Variants in CDH8 observed in about 807,000 individuals in gnomAD.
CDH8 encodes cadherin-8.
A neutral mutation model predicts 68.1 loss-of-function variants in CDH8; 17 were observed. The observed-to-expected ratio is 0.25, with a 90% CI of 0.17 to 0.37. CDH8 has a LOEUF of 0.37. CDH8 is among the 10% of genes least tolerant of loss of function. The pLI, the probability that CDH8 is intolerant of heterozygous loss-of-function variation, is 1.00. For missense variants in CDH8, 763 were observed against 999.3 expected (o/e 0.76, Z 3.19); for synonymous variants, 372 against 365.1 (o/e 1.02, Z -0.21).
At chr16:61,985,296 G>T (rs1394479589) in intron 2 of CDH8, among the ~76,000 whole-genome samples, 1 of 152,066 alleles carries the variant, frequency 6.6e-6, no homozygotes, top group Non-Finnish European at 1.5e-5. Context: ...AGCCACATAT[G>T]TCAAAGAAAA....
intron 2 of CDH8, among the ~76,000 whole-genome samples, chr16:61,960,320 C>CGTGTGTGTGTATACACACATATATACGT (rs1567546492): frequency 5.2e-5 from 3 of 57,270 alleles, no homozygotes; most frequent in Non-Finnish European, 8.7e-5. Flanking sequence ...CACATATATA[C>CGTGTGTGTGTATACACACATATATACGT]GTGTGTGTGT....
rs77613834 is a variant in CDH8, at chr16:61,812,990, G to A, written c.1277+4489C>T. Among the ~76,000 whole-genome samples, 1,411 of 152,268 alleles carry A rather than the reference G, an allele frequency of 9.3e-3. 48 individuals are homozygous for A. Among genetic ancestry groups the A allele is most frequent in the East Asian group, 0.072 (375 of 5,174 alleles). On this transcript the variant is annotated intron_variant, in intron 7 of 11. Coordinates refer to ENST00000577390, the MANE Select transcript of CDH8 (RefSeq NM_001796.5). ...ATACATAATAGGAGCTTAGTATGGT[G>A]TCGGATTCATCAAATAAAAATAACA...
In CDH8 at chr16:61,850,566, C is replaced by T. The variant is rs759475689; in HGVS notation, c.667+6553G>A. ...ATTGCAGATTACGTTTATTATATAT[C>T]GAAAAAGTTCTTCAAGTAAAATCTT... On this transcript the variant is annotated intron_variant, in intron 4 of 11. Coordinates refer to ENST00000577390, the MANE Select transcript of CDH8 (RefSeq NM_001796.5). Among the ~76,000 whole-genome samples the T allele has an allele frequency of 5.0e-4, 76 of 151,986 alleles. 1 individual carries two copies. The highest frequency in any genetic ancestry group is 9.6e-4 in the Non-Finnish European group (65 of 67,954).
chr16:61,794,472 A>C (rs1961452321), intron 7 of CDH8, among the ~76,000 whole-genome samples: 2 of 152,066 alleles, frequency 1.3e-5, no homozygotes, highest in East Asian at 3.9e-4. Context: ...ACCAAAACAA[A>C]AGCTCTGTAA....
chr16:61,837,731 G>T (rs192083173), intron 4 of CDH8, among the ~76,000 whole-genome samples: 1 of 152,040 alleles, frequency 6.6e-6, no homozygotes, highest in Non-Finnish European at 1.5e-5. Flanking sequence ...TGTGTGATCT[G>T]CAGGAGCCAT....
At chr16:61,685,384 C>A (rs1402191432) in intron 10 of CDH8, among the ~76,000 whole-genome samples, 2 of 151,604 alleles carry the variant, frequency 1.3e-5, no homozygotes, top group African/African-American at 4.8e-5. Flanking sequence ...AGATTTGAGG[C>A]ATATGAATGA....
chr16:61,683,090 A>G (rs1389314544), intron 10 of CDH8, among the ~76,000 whole-genome samples: 1 of 152,018 alleles, frequency 6.6e-6, no homozygotes, highest in African/African-American at 2.4e-5. Flanking sequence ...GTGAAGTTCA[A>G]TAAAGCACTT....
At chr16:61,922,305 T>TA (rs1191353414) in intron 2 of CDH8, among the ~76,000 whole-genome samples, 2 of 152,166 alleles carry the variant, frequency 1.3e-5, no homozygotes, top group African/African-American at 2.4e-5. Context: ...AAATTTTGTG[T>TA]AAAAAACAAT....
At chr16:61,732,937 T>C (rs566751438) in intron 8 of CDH8, among the ~76,000 whole-genome samples, 11 of 151,678 alleles carry the variant, frequency 7.3e-5, no homozygotes, top group Non-Finnish European at 1.6e-4. Flanking sequence ...GTAATTCAAA[T>C]CGACAGGAAC....
At chr16:61,716,626 G>A (rs1205276025) in intron 9 of CDH8, among the ~76,000 whole-genome samples, 1 of 151,628 alleles carries the variant, frequency 6.6e-6, no homozygotes, top group African/African-American at 2.4e-5. Flanking sequence ...TCATTAAGAG[G>A]CTTTATATTG....
intron 6 of CDH8, among the ~76,000 whole-genome samples, chr16:61,818,500 G>A (rs570343278): frequency 4.6e-5 from 7 of 152,214 alleles, no homozygotes. Flanking sequence ...CCACTTAAAA[G>A]CAATTTGAAA....
intron 8 of CDH8, among the ~76,000 whole-genome samples, chr16:61,773,537 T>G (rs1203804251): frequency 6.6e-6 from 1 of 152,036 alleles, no homozygotes; most frequent in Non-Finnish European, 1.5e-5. Flanking sequence ...ACTATGTTTT[T>G]GGCAAGAATT....
intron 3 of CDH8, among the ~76,000 whole-genome samples, chr16:61,894,173 A>G (rs1963830146): frequency 6.6e-6 from 1 of 152,228 alleles, no homozygotes; most frequent in Admixed American, 6.5e-5. Context: ...ACCACCTGAT[A>G]CAAATTAGTA....
chr16:61,997,824 A>G (rs1283285886), intron 2 of CDH8, among the ~76,000 whole-genome samples: 1 of 152,212 alleles, frequency 6.6e-6, no homozygotes, highest in Admixed American at 6.5e-5. Context: ...AAAAATCTAA[A>G]AATGTTCCAC....
chr16:61,937,160 GTAGT>G (rs1272029835), intron 2 of CDH8, among the ~76,000 whole-genome samples: 1 of 152,146 alleles, frequency 6.6e-6, no homozygotes, highest in Non-Finnish European at 1.5e-5. Context: ...GCACTCAAGT[GTAGT>G]TAGTGAGTCT....
At chr16:61,970,975 T>G (rs919264462) in intron 2 of CDH8, among the ~76,000 whole-genome samples, 7 of 152,070 alleles carry the variant, frequency 4.6e-5, no homozygotes, top group Admixed American at 6.6e-5. Flanking sequence ...CCCCCACCCT[T>G]AAGAAGGTAC....
chr16:61,653,743 C>A lies in CDH8; in HGVS notation c.2265G>T (p.Val755=), dbSNP rs377026175. 5.6e-6 allele frequency: 9 copies of A among 1,614,060 alleles called. No homozygotes were observed. The highest frequency in any genetic ancestry group is 2.2e-5 in the East Asian group (1 of 44,876). ...QIYGYEGRGS[V]AGSLSSLEST... ...ACTCCAAGGAGCTGAGGGAGCCAGC[C>A]ACTGACCCTCGGCCTTCATAGCCAT... is the stretch of plus-strand genomic sequence containing the variant. Residue 755 remains valine, a synonymous_variant, in exon 12 of 12, where the codon GTG becomes GTT. Transcript: ENST00000577390.
At chr16:61,713,517 C>T (rs930392252) in intron 10 of CDH8, among the ~76,000 whole-genome samples, 7 of 151,702 alleles carry the variant, frequency 4.6e-5, no homozygotes, top group African/African-American at 1.2e-4. Flanking sequence ...GGCCAATTCT[C>T]CCTCTTAGGG....
At chr16:61,686,028 T>C (rs1049640936) in intron 10 of CDH8, among the ~76,000 whole-genome samples, 21 of 152,010 alleles carry the variant, frequency 1.4e-4, no homozygotes, top group Non-Finnish European at 2.8e-4. Flanking sequence ...GAAAGATGAA[T>C]ATTCTGGTCC....
Sources: gnomAD v4.1 joint callset for allele counts (sites outside exome capture counted in the v4.1 genomes callset) on GRCh38, gnomAD v4.1.1 for gene constraint, MANE v1.5 for transcripts, NCBI Gene and HGNC (gene_info 2026-07-23, HGNC 2026-07-21) for gene names.